The following USP13 variants were observed in gnomAD, a reference collection of about 807,000 sequenced individuals.
The protein encoded by USP13 is ubiquitin carboxyl-terminal hydrolase 13.
In USP13, 68 loss-of-function variants were observed where a neutral mutation model predicts 107.8. That is an observed-to-expected ratio of 0.63 (90% CI 0.52 to 0.77). USP13 has a LOEUF of 0.77. USP13 is among the 30% of genes least tolerant of loss of function. The pLI is 0.00. For synonymous variants in USP13, 377 were observed against 389.5 expected (o/e 0.97, Z 0.38); for missense variants, 945 against 1,093.3 (o/e 0.86, Z 1.91).
At chr3:179,719,212 C>G (rs1560060904) in intron 6 of USP13, among the ~76,000 whole-genome samples, 1 of 152,032 alleles carries the variant, frequency 6.6e-6, no homozygotes. Flanking sequence ...GATGTGGATC[C>G]CAGAGGCCCT....
intron 4 of USP13, among the ~76,000 whole-genome samples, chr3:179,704,816 A>G (rs986999100): frequency 4.6e-5 from 7 of 152,208 alleles, no homozygotes; most frequent in African/African-American, 1.7e-4. Flanking sequence ...CTAATGGATT[A>G]TAAGCTTGTT....
intron 14 of USP13, 78 bp downstream of exon 14, chr3:179,752,451 T>C: frequency 9.4e-7 from 1 of 1,068,478 alleles, no homozygotes; most frequent in South Asian, 1.3e-5. Flanking sequence ...AGAGCCCATG[T>C]AGTTGGCTGC....
At chr3:179,746,048 C>G (rs558703056) in intron 13 of USP13, among the ~76,000 whole-genome samples, 31 of 151,290 alleles carry the variant, frequency 2.0e-4, no homozygotes, top group African/African-American at 7.3e-4. Flanking sequence ...AGGAGTTTTG[C>G]TACGTTCAGA....
rs1003281017 is a variant in USP13, at chr3:179,788,244, G to A, written c.*4103G>A. On this transcript the variant is annotated 3_prime_UTR_variant, in exon 21 of 21. Transcript: ENST00000263966. ...GGGGCAGGGGCAGGACCAGGGGATGGGATTAGATAAAGTGTGATAATGTCC... is the reference window on the plus strand; with the variant it reads ...GGGGCAGGGGCAGGACCAGGGGATGAGATTAGATAAAGTGTGATAATGTCC... 5 of 152,202 alleles carry A rather than the reference G, an allele frequency of 3.3e-5. No homozygotes were observed. The highest frequency in any genetic ancestry group is 1.2e-4 in the African/African-American group (5 of 41,406). The allele number at this position is 152,202 out of a possible 1,614,324, so 9.4% of individuals were successfully genotyped here. A position where few individuals can be genotyped will look rare whatever the true frequency, so the allele number is the denominator to read the frequency against.
chr3:179,702,857 C>T (rs533764642), intron 4 of USP13, among the ~76,000 whole-genome samples: 1 of 152,176 alleles, frequency 6.6e-6, no homozygotes, highest in Admixed American at 6.5e-5. Context: ...TTCTGTAATA[C>T]TGAGAGTTCT....
chr3:179,687,913 C>T (rs1289641545), intron 2 of USP13, among the ~76,000 whole-genome samples: 3 of 151,972 alleles, frequency 2.0e-5, no homozygotes, highest in African/African-American at 7.3e-5. Flanking sequence ...CCTTTCTAAC[C>T]CTCACTCTTA....
chr3:179,673,243 A>G (rs1252267879), intron 1 of USP13, among the ~76,000 whole-genome samples: 1 of 152,214 alleles, frequency 6.6e-6, no homozygotes, highest in African/African-American at 2.4e-5. Context: ...TTTTAAATTC[A>G]GATCAGAAGG....
chr3:179,732,320 A>G (rs139267364), intron 10 of USP13, among the ~76,000 whole-genome samples: 106 of 152,320 alleles, frequency 7.0e-4, no homozygotes, highest in African/African-American at 2.4e-3. Flanking sequence ...GTGATTGTGG[A>G]TAAACCTCAG....
chr3:179,721,104 C>T lies in USP13; in HGVS notation c.901-298C>T, dbSNP rs923699927. On this transcript the variant is annotated intron_variant, in intron 7 of 20. Coordinates refer to ENST00000263966, the MANE Select transcript of USP13 (RefSeq NM_003940.3). This position sits in a 1 kb window ranked among gnomAD's most constrained non-coding sequence, Gnocchi z 4.3. ...GATTACAGGTGTGAACCGCTGCGCC[C>T]GGCCTCTCTTTAAAATCTTTTTCAT... 2.6e-5 allele frequency among the ~76,000 whole-genome samples: 4 copies of T among 152,208 alleles called. No individual in the cohort carries two copies. Among genetic ancestry groups the T allele is most frequent in the East Asian group, 1.9e-4 (1 of 5,184 alleles).
chr3:179,693,867 C>G (rs376676674), intron 3 of USP13, among the ~76,000 whole-genome samples: 10 of 149,960 alleles, frequency 6.7e-5, no homozygotes, highest in Non-Finnish European at 5.9e-5. Context: ...TTTGTAGAGA[C>G]GAGGTTTCAC....
chr3:179,659,926 C>T (rs1269471960), intron 1 of USP13, among the ~76,000 whole-genome samples: 2 of 152,116 alleles, frequency 1.3e-5, no homozygotes, highest in African/African-American at 4.8e-5. Context: ...CCTGTAGTCC[C>T]AGCTACTCAG....
At chr3:179,730,156 G>A in intron 8 of USP13, 33 bp from the exon 9 acceptor site, 1 of 1,582,622 alleles carries the variant, frequency 6.3e-7, no homozygotes, top group Non-Finnish European at 8.6e-7. Context: ...TCTTGCAGTT[G>A]CTATGTTTTA....
intron 19 of USP13, among the ~76,000 whole-genome samples, chr3:179,772,910 G>T (rs1025664131): frequency 6.6e-6 from 1 of 152,200 alleles, no homozygotes. Flanking sequence ...ACCTAGGTCT[G>T]TCTTCTCTTT....
intron 1 of USP13, among the ~76,000 whole-genome samples, chr3:179,668,766 G>A (rs955772455): frequency 4.6e-5 from 7 of 152,092 alleles, no homozygotes; most frequent in African/African-American, 1.7e-4. Context: ...TCCCCCTTCT[G>A]TGTGCTTGCT....
chr3:179,692,665 A>G (rs550733109), intron 3 of USP13, among the ~76,000 whole-genome samples: 1 of 152,378 alleles, frequency 6.6e-6, no homozygotes, highest in South Asian at 2.1e-4. Flanking sequence ...AGGCAGAACT[A>G]ACTAAACATT....
intron 19 of USP13, among the ~76,000 whole-genome samples, chr3:179,772,239 C>T (rs59412446): frequency 1.1e-4 from 17 of 152,324 alleles, no homozygotes; most frequent in African/African-American, 4.1e-4. Flanking sequence ...GAAATCAGGC[C>T]GTCACTCTGA....
At chr3:179,656,055 G>T (rs1400763687) in intron 1 of USP13, among the ~76,000 whole-genome samples, 2 of 152,146 alleles carry the variant, frequency 1.3e-5, no homozygotes, top group African/African-American at 4.8e-5. Flanking sequence ...GTGGAAAAAA[G>T]AAATCATCCC....
chr3:179,740,550 C>T (rs965955685), intron 11 of USP13, among the ~76,000 whole-genome samples, 178 bp downstream of exon 11: 1 of 152,218 alleles, frequency 6.6e-6, no homozygotes, highest in African/African-American at 2.4e-5. Context: ...CTTGATGTGA[C>T]TGCTCTTCAC....
intron 2 of USP13, among the ~76,000 whole-genome samples, chr3:179,682,438 A>C (rs537352855): frequency 1.3e-5 from 2 of 152,300 alleles, no homozygotes; most frequent in Admixed American, 1.3e-4. Flanking sequence ...AGAAGTAACC[A>C]CTGCTTTGAA....
Sources: allele counts gnomAD v4.1 joint callset (sites outside exome capture counted in the v4.1 genomes callset), GRCh38; gene constraint gnomAD v4.1.1; non-coding constraint Gnocchi (gnomAD v3.1); transcripts MANE v1.5; gene names NCBI Gene and HGNC (gene_info 2026-07-23, HGNC 2026-07-21).